The following ZNF207 variants were observed in gnomAD, a reference collection of about 807,000 sequenced individuals.
ZNF207 encodes the protein zinc finger protein 207.
Under a neutral mutation model 60.2 loss-of-function variants are expected in ZNF207, and 24 were observed. The observed-to-expected ratio is 0.40, with a 90% CI of 0.29 to 0.56. ZNF207 has a LOEUF of 0.56. Among genes scored for constraint, ZNF207 ranks in the 20% least tolerant of loss-of-function variants. ZNF207 has a pLI of 0.49. For missense variants in ZNF207, 452 were observed against 636.6 expected, an observed-to-expected ratio of 0.71 and a Z score of 3.12; for synonymous variants, 236 against 194.7, an observed-to-expected ratio of 1.21 and a Z score of -1.77.
chr17:32,372,942 C>T lies in ZNF207; in HGVS notation c.*3183C>T, dbSNP rs1905535255. On this transcript the variant is annotated 3_prime_UTR_variant, in exon 12 of 12. Coordinates refer to ENST00000394670, the MANE Select transcript of ZNF207 (RefSeq NM_001098507.2). ...AGTAGGGCTGGCAACTTTGGCTCTA[C>T]CTTACATCCACCCCTTTTAGAAAAA... The T allele has an allele frequency of 6.6e-6, 1 of 152,352 alleles. No homozygotes were observed. The highest frequency in any genetic ancestry group is 2.4e-5 in the African/African-American group (1 of 41,426). The allele number at this position is 152,352 out of a possible 1,614,324, so 9.4% of individuals were successfully genotyped here.
In ZNF207 at chr17:32,376,199, A is replaced by G. The variant is rs1028068295; in HGVS notation, c.*6440A>G. ...AAACCAATATGTAGGAAATGGAGAA[A>G]GTAGGACTTCAGTTTGCGCTTCCCA... On this transcript the variant is annotated 3_prime_UTR_variant, in exon 12 of 12. Coordinates refer to ENST00000394670, the MANE Select transcript of ZNF207 (RefSeq NM_001098507.2). 68 of 152,168 alleles carry G rather than the reference A, an allele frequency of 4.5e-4. No individual in the cohort carries two copies. The highest frequency in any genetic ancestry group is 1.5e-3 in the African/African-American group (63 of 41,570). The allele number at this position is 152,168 out of a possible 1,614,324, so 9.4% of individuals were successfully genotyped here.
At chr17:32,355,821 T>C (rs1904474861) in intron 2 of ZNF207, among the ~76,000 whole-genome samples, 1 of 152,204 alleles carries the variant, frequency 6.6e-6, no homozygotes, top group Non-Finnish European at 1.5e-5. Context: ...CTGAGTCAAA[T>C]GCTGGTTCAG....
intron 2 of ZNF207, among the ~76,000 whole-genome samples, chr17:32,357,305 T>C (rs1904560656): frequency 6.9e-6 from 1 of 143,922 alleles, no homozygotes; most frequent in South Asian, 2.2e-4. Flanking sequence ...GAAAATTTGC[T>C]ATTCTAATTA....
At position 32,368,745 on chromosome 17, in the gene ZNF207, C is replaced by CACTTTG. The variant is rs1905320635; in HGVS notation, c.1165-550_1165-549insACTTTG. 2.6e-5 allele frequency: 4 copies of CACTTTG among 152,866 alleles called. No homozygotes were observed. The South Asian group carries it at 8.2e-4, about 31-fold the overall frequency. The allele number at this position is 152,866 out of a possible 1,614,324, so 9.5% of individuals were successfully genotyped here. On this transcript the variant is annotated intron_variant, in intron 10 of 11. Transcript: ENST00000394670. ...TGGCCGGGCGCGCAGTGGCTCACAC[C>CACTTTG]GGTAATCCCAGCACTTTGGGAGGCC... is the stretch of plus-strand genomic sequence containing the variant.
rs1905814549 is a variant in ZNF207 at position 32,379,850 on chromosome 17, A to G, written c.*10091A>G. On this transcript the variant is annotated 3_prime_UTR_variant, in exon 12 of 12. Transcript: ENST00000394670. ...AAATTTCTAATTTATGCCCTGCTTT[A>G]TTTAGCCTCGCTATATGTAACACAT... 1 of 152,178 alleles carries G rather than the reference A, an allele frequency of 6.6e-6. No homozygotes were observed. The highest frequency in any genetic ancestry group is 2.1e-4 in the South Asian group (1 of 4,834). The allele number at this position is 152,178 out of a possible 1,614,324, so 9.4% of individuals were successfully genotyped here. A position where few individuals can be genotyped will look rare whatever the true frequency, so the allele number is the denominator to read the frequency against.
At chr17:32,358,405 T>C (rs1207954384) in intron 2 of ZNF207, 98 bp from the exon 3 acceptor site, 8 of 1,215,348 alleles carry the variant, frequency 6.6e-6, no homozygotes, top group Non-Finnish European at 7.7e-6. Flanking sequence ...CTACATGGCC[T>C]CACTATAGAA....
At position 32,358,754 on chromosome 17, in the gene ZNF207, GCT is replaced by G. The variant is rs550667274; in HGVS notation, c.307+118_307+119del. ...GCTGGAGTACAGTGGTGTGATCTGG[GCT>G]CTCTGCATCTTCTGCCTCCGGGGTT... On this transcript the variant is annotated intron_variant, in intron 3 of 11. Transcript: ENST00000394670. The G allele has an allele frequency of 5.0e-6, 4 of 803,872 alleles. No individual in the cohort carries two copies. The East Asian group carries it at 1.0e-4, about 21-fold the overall frequency. 49.8% of individuals were successfully genotyped at this position (803,872 alleles called of 1,614,324 possible).
At chr17:32,368,998 C>T (rs535130664) in intron 10 of ZNF207, 2 of 244,356 alleles carry the variant, frequency 8.2e-6, no homozygotes, top group Admixed American at 5.1e-5. Context: ...AGTGAAACCC[C>T]GTCTCAAAAA....
chr17:32,358,957 G>A (rs1226135423), intron 3 of ZNF207, among the ~76,000 whole-genome samples: 2 of 151,538 alleles, frequency 1.3e-5, no homozygotes, highest in South Asian at 2.1e-4. Context: ...GCACTACCAC[G>A]CCCGGCTAGT....
At chr17:32,356,974 G>A (rs903107380) in intron 2 of ZNF207, among the ~76,000 whole-genome samples, 1 of 152,124 alleles carries the variant, frequency 6.6e-6, no homozygotes, top group Non-Finnish European at 1.5e-5. Context: ...TTGAGTTCAG[G>A]AGTTTGAGAG....
intron 2 of ZNF207, 73 bp downstream of exon 2, chr17:32,351,985 T>A (rs2041516055): frequency 7.0e-7 from 1 of 1,431,064 alleles, no homozygotes. Context: ...TCTTTTTTAT[T>A]TTTTTGAGTT....
At chr17:32,353,624 C>T (rs987701661) in intron 2 of ZNF207, among the ~76,000 whole-genome samples, 1 of 140,030 alleles carries the variant, frequency 7.1e-6, no homozygotes, top group Non-Finnish European at 1.5e-5. Flanking sequence ...TCTACAAATA[C>T]CAAAAATTAG....
intron 7 of ZNF207, among the ~76,000 whole-genome samples, chr17:32,364,063 T>C (rs1905037756): frequency 6.6e-6 from 1 of 151,548 alleles, no homozygotes; most frequent in South Asian, 2.1e-4. Flanking sequence ...GACAGGGTGT[T>C]GGTCTGATAC....
chr17:32,361,892 C>G (rs1019277662), intron 6 of ZNF207, among the ~76,000 whole-genome samples: 1 of 151,964 alleles, frequency 6.6e-6, no homozygotes, highest in African/African-American at 2.4e-5. Flanking sequence ...AATTTTAAAT[C>G]AAGAACTGAA....
At position 32,374,721 on chromosome 17, in the gene ZNF207, A is replaced by C. The variant is rs1905617359; in HGVS notation, c.*4962A>C. The C allele has an allele frequency of 6.6e-6, 1 of 152,154 alleles. No homozygotes were observed. The highest frequency in any genetic ancestry group is 2.1e-4 in the South Asian group (1 of 4,828). The allele number at this position is 152,154 out of a possible 1,614,324, so 9.4% of individuals were successfully genotyped here. On this transcript the variant is annotated 3_prime_UTR_variant, in exon 12 of 12. Transcript: ENST00000394670. ...ACCATATAGTTGATATAACAACAGA[A>C]TTTGGGTGTTACAGACCTTTCAGCA...
rs760061448 is a variant in ZNF207 at position 32,373,421 on chromosome 17, G to T, written c.*3662G>T. The T allele has an allele frequency of 1.4e-6, 1 of 691,462 alleles. No individual in the cohort carries two copies. Among genetic ancestry groups the T allele is most frequent in the South Asian group, 1.5e-5 (1 of 65,288 alleles). The allele number at this position is 691,462 out of a possible 1,614,324, so 42.8% of individuals were successfully genotyped here. A position where few individuals can be genotyped will look rare whatever the true frequency, so the allele number is the denominator to read the frequency against. ...TAGCCCTGCCATAGGACAGGCTGAG[G>T]CTGAGTCTCAGTGTTGCCCTGTTCA... On this transcript the variant is annotated 3_prime_UTR_variant, in exon 12 of 12. Coordinates refer to ENST00000394670, the MANE Select transcript of ZNF207 (RefSeq NM_001098507.2).
chr17:32,366,038 C>T (rs1905147214), intron 8 of ZNF207, among the ~76,000 whole-genome samples: 1 of 152,156 alleles, frequency 6.6e-6, no homozygotes, highest in Admixed American at 6.5e-5. Context: ...AAAGATGCTT[C>T]TGTTCTATAT....
At chr17:32,351,434 A>C in intron 1 of ZNF207, 1 of 1,333,238 alleles carries the variant, frequency 7.5e-7, no homozygotes, top group Non-Finnish European at 9.6e-7. Flanking sequence ...AACCTTAGGG[A>C]TTTCTTAACT....
At chr17:32,366,226 C>T (rs1002387133) in intron 8 of ZNF207, among the ~76,000 whole-genome samples, 2 of 152,000 alleles carry the variant, frequency 1.3e-5, no homozygotes, top group African/African-American at 2.4e-5. Flanking sequence ...AAATTAAAAG[C>T]ATTTTCTTTA....
Sources: allele counts gnomAD v4.1 joint callset (sites outside exome capture counted in the v4.1 genomes callset), GRCh38; gene constraint gnomAD v4.1.1; transcripts MANE v1.5; gene names NCBI Gene and HGNC (gene_info 2026-07-23, HGNC 2026-07-21).